The following KHDRBS3 variants were observed in gnomAD, a reference collection of about 807,000 sequenced individuals.
KHDRBS3 encodes KH RNA binding domain containing, signal transduction associated 3.
In KHDRBS3, 23 loss-of-function variants were observed where a neutral mutation model predicts 45.6. That is an observed-to-expected ratio of 0.50 (90% CI 0.36 to 0.72). The LOEUF (loss-of-function observed/expected upper bound fraction) is 0.72. KHDRBS3 is among the 30% of genes least tolerant of loss of function. KHDRBS3 has a pLI of 0.00. For missense variants in KHDRBS3, 352 were observed against 424.8 expected, an observed-to-expected ratio of 0.83 and a Z score of 1.51; for synonymous variants, 162 against 156.5, an observed-to-expected ratio of 1.04 and a Z score of -0.26.
chr8:135,514,695 T>G lies in KHDRBS3; in HGVS notation c.89-6542T>G, dbSNP rs764206177. Among the ~76,000 whole-genome samples the G allele has an allele frequency of 2.3e-4, 35 of 152,128 alleles. 1 individual carries two copies. The Middle Eastern group carries it at 0.01, about 44-fold the overall frequency. On this transcript the variant is annotated intron_variant, in intron 1 of 8. Coordinates refer to ENST00000355849, the MANE Select transcript of KHDRBS3 (RefSeq NM_006558.3). ...AAATGGTTGACTATAAATTTTATGGTTTTTTTTAATAACAGTTTAAAAAAT... is the reference window on the plus strand; with the variant it reads ...AAATGGTTGACTATAAATTTTATGGGTTTTTTTAATAACAGTTTAAAAAAT...
chr8:135,525,429 A>G (rs1309059168), intron 2 of KHDRBS3, among the ~76,000 whole-genome samples: 1 of 152,220 alleles, frequency 6.6e-6, no homozygotes, highest in African/African-American at 2.4e-5. Flanking sequence ...CACTAAAGCC[A>G]AAAGCTCTAA....
At chr8:135,589,136 T>G (rs1828622674) in intron 6 of KHDRBS3, among the ~76,000 whole-genome samples, 1 of 152,224 alleles carries the variant, frequency 6.6e-6, no homozygotes, top group South Asian at 2.1e-4. Context: ...AGTCACTTAA[T>G]AAATACTGGT....
At chr8:135,518,665 C>T (rs1824749978) in intron 1 of KHDRBS3, among the ~76,000 whole-genome samples, 1 of 152,112 alleles carries the variant, frequency 6.6e-6, no homozygotes, top group African/African-American at 2.4e-5. Context: ...CTAATTAAAG[C>T]TGAAGTCATG....
intron 7 of KHDRBS3, among the ~76,000 whole-genome samples, chr8:135,640,638 C>T (rs1831020881): frequency 6.6e-6 from 1 of 152,176 alleles, no homozygotes; most frequent in Non-Finnish European, 1.5e-5. Flanking sequence ...ACGCCGGCTT[C>T]CTTTGACCCG....
At chr8:135,514,378 G>T (rs927166671) in intron 1 of KHDRBS3, among the ~76,000 whole-genome samples, 1 of 152,160 alleles carries the variant, frequency 6.6e-6, no homozygotes. Flanking sequence ...ATATTATTCC[G>T]CCTTAAAAAG....
intron 7 of KHDRBS3, among the ~76,000 whole-genome samples, chr8:135,619,645 G>A (rs987709495): frequency 6.6e-6 from 1 of 152,144 alleles, no homozygotes; most frequent in African/African-American, 2.4e-5. Flanking sequence ...ATCACACATC[G>A]TAAATGCTAT....
At chr8:135,480,885 C>A (rs1054643481) in intron 1 of KHDRBS3, among the ~76,000 whole-genome samples, 1 of 152,100 alleles carries the variant, frequency 6.6e-6, no homozygotes, top group East Asian at 1.9e-4. Flanking sequence ...CACTAATGAG[C>A]ATTTCCAATT....
At chr8:135,621,558 G>T (rs1830139958) in intron 7 of KHDRBS3, among the ~76,000 whole-genome samples, 1 of 152,158 alleles carries the variant, frequency 6.6e-6, no homozygotes, top group Admixed American at 6.5e-5. Flanking sequence ...GCAGGGGCAG[G>T]AATCTTCATC....
chr8:135,602,788 G>T (rs544326179), intron 6 of KHDRBS3, among the ~76,000 whole-genome samples: 3 of 152,230 alleles, frequency 2.0e-5, no homozygotes, highest in Admixed American at 2.0e-4. Context: ...CACACCAAGA[G>T]ATATTTCATA....
intron 1 of KHDRBS3, among the ~76,000 whole-genome samples, chr8:135,471,309 CTATT>C (rs1208849746): frequency 2.0e-5 from 3 of 152,174 alleles, no homozygotes; most frequent in African/African-American, 7.2e-5. Flanking sequence ...CAGGAAATCA[CTATT>C]TATAGACTTC....
chr8:135,511,913 G>A (rs190049792), intron 1 of KHDRBS3, among the ~76,000 whole-genome samples: 7 of 152,196 alleles, frequency 4.6e-5, no homozygotes, highest in South Asian at 2.1e-4. Flanking sequence ...TTAGAGTATC[G>A]AGTGTTTCTT....
chr8:135,542,506 A>G (rs1586692276), intron 2 of KHDRBS3, 148 bp from the exon 3 acceptor site: 1 of 591,400 alleles, frequency 1.7e-6, no homozygotes, highest in South Asian at 2.4e-5. Context: ...GTGTGTGGGA[A>G]ACATCATATT....
chr8:135,468,600 G>A (rs1435331955), intron 1 of KHDRBS3, among the ~76,000 whole-genome samples: 1 of 152,222 alleles, frequency 6.6e-6, no homozygotes, highest in African/African-American at 2.4e-5. Context: ...GAATAGTTGT[G>A]TTCTGATAAA....
intron 1 of KHDRBS3, among the ~76,000 whole-genome samples, chr8:135,496,242 T>A (rs76520092): frequency 6.7e-6 from 1 of 149,844 alleles, no homozygotes; most frequent in East Asian, 2.0e-4. Context: ...TTCAGAAGCA[T>A]TTTTTTTTGA....
At chr8:135,654,512 A>G (rs1831492880) in intron 4 of KHDRBS3, among the ~76,000 whole-genome samples, 1 of 152,180 alleles carries the variant, frequency 6.6e-6, no homozygotes, top group Non-Finnish European at 1.5e-5. Flanking sequence ...ATGGTCTTTT[A>G]TACACAGCAT....
chr8:135,501,682 C>T (rs1823741478), intron 1 of KHDRBS3, among the ~76,000 whole-genome samples: 1 of 151,816 alleles, frequency 6.6e-6, no homozygotes, highest in Non-Finnish European at 1.5e-5. Flanking sequence ...TTTTCTCTAG[C>T]TCGCAGAAAA....
At chr8:135,577,678 G>A (rs1301659374) in intron 5 of KHDRBS3, among the ~76,000 whole-genome samples, 1 of 152,158 alleles carries the variant, frequency 6.6e-6, no homozygotes, top group African/African-American at 2.4e-5. Context: ...CATCTTGGTT[G>A]CTATGAATAA....
At chr8:135,578,933 A>G (rs759515964) in intron 5 of KHDRBS3, among the ~76,000 whole-genome samples, 12 of 152,136 alleles carry the variant, frequency 7.9e-5, no homozygotes, top group Non-Finnish European at 1.3e-4. Flanking sequence ...TTGTACCAAA[A>G]CATGCAATTT....
intron 1 of KHDRBS3, among the ~76,000 whole-genome samples, chr8:135,496,694 A>G (rs576113195): frequency 2.0e-5 from 3 of 152,310 alleles, no homozygotes; most frequent in South Asian, 2.1e-4. Context: ...ATTTATTGCT[A>G]TGTGATCAAC....
Sources: gnomAD v4.1 joint callset for allele counts (sites outside exome capture counted in the v4.1 genomes callset) on GRCh38, gnomAD v4.1.1 for gene constraint, MANE v1.5 for transcripts, NCBI Gene and HGNC (gene_info 2026-07-23, HGNC 2026-07-21) for gene names.